RPS6KC1: variants seen among roughly 807,000 people sequenced by gnomAD.
RPS6KC1 encodes inactive ribosomal protein S6 kinase delta-1.
A neutral mutation model predicts 103.8 loss-of-function variants in RPS6KC1; 54 were observed. The ratio of observed to expected loss-of-function variants is 0.52; its 90% CI spans 0.42 to 0.65. The LOEUF (loss-of-function observed/expected upper bound fraction) is 0.65, where lower values mean the gene tolerates loss of function less well. Among genes scored for constraint, RPS6KC1 ranks in the 30% least tolerant of loss-of-function variants. RPS6KC1 has a pLI of 0.00. For synonymous variants in RPS6KC1, 439 were observed against 438.7 expected (o/e 1.00, Z -0.01); for missense variants, 1,151 against 1,253.8 (o/e 0.92, Z 1.24).
chr1:213,361,340 G>A, the RPS6KC1 span, among the ~76,000 whole-genome samples: 17 of 152,260 alleles, frequency 1.1e-4, no homozygotes, highest in African/African-American at 1.4e-4. Context: ...CTCCGTGGGC[G>A]TGGGACCCTC....
the RPS6KC1 span, among the ~76,000 whole-genome samples, chr1:213,695,454 T>G: frequency 1.3e-5 from 2 of 152,156 alleles, no homozygotes; most frequent in Non-Finnish European, 2.9e-5. Flanking sequence ...AACTGGACAC[T>G]GGGACAGTAA....
At position 213,242,142 on chromosome 1, in the gene RPS6KC1, T is replaced by G; in HGVS notation, c.2666T>G (p.Leu889Arg). The change falls in exon 11 of 15, where the codon CTT becomes CGT. Residue 889 changes from leucine to arginine, a missense_variant. Transcript: ENST00000366960. ...GAAATACATCAGATTTTTGAGGACC[T>G]TGATAAAAAATTAGCACTAGCCTCC... ...DKEIHQIFED[L>R]DKKLALASRF... is the part of the protein sequence containing the mutation. The G allele has an allele frequency of 6.2e-7, 1 of 1,613,814 alleles. No individual in the cohort carries two copies. The highest frequency in any genetic ancestry group is 8.5e-7 in the Non-Finnish European group (1 of 1,179,806).
chr1:213,069,344 C>A (rs2078658532), intron 1 of RPS6KC1, among the ~76,000 whole-genome samples: 1 of 152,130 alleles, frequency 6.6e-6, no homozygotes, highest in Non-Finnish European at 1.5e-5. Flanking sequence ...TTAGGTGGGA[C>A]CTTTTACAAT....
At chr1:213,700,053 A>C in the RPS6KC1 span, among the ~76,000 whole-genome samples, 1 of 151,556 alleles carries the variant, frequency 6.6e-6, no homozygotes, top group Non-Finnish European at 1.5e-5. Flanking sequence ...TTTTAGCTTG[A>C]TGTGACCCCA....
At chr1:213,527,710 A>T in the RPS6KC1 span, among the ~76,000 whole-genome samples, 1 of 152,104 alleles carries the variant, frequency 6.6e-6, no homozygotes, top group Non-Finnish European at 1.5e-5. Flanking sequence ...TTGTACATAC[A>T]ATTGACCCTT....
In RPS6KC1 at chr1:213,272,511, C is replaced by T. The variant is rs181418262; in HGVS notation, c.3091-13C>T. The T allele has an allele frequency of 1.8e-3, 2,812 of 1,602,324 alleles. 7 individuals carry two copies. Among genetic ancestry groups the T allele is most frequent in the South Asian group, 3.8e-3 (347 of 90,814 alleles). Reference sequence around the variant, plus strand: ...TTGGATTCCTGTTACTCACTAAGTCCGTCTTTTTTTAGCTCTTGCAGTTCA... The same window carrying T: ...TTGGATTCCTGTTACTCACTAAGTCTGTCTTTTTTTAGCTCTTGCAGTTCA... On this transcript the variant is annotated splice_polypyrimidine_tract_variant and intron_variant, in intron 14 of 14. Coordinates refer to ENST00000366960, the MANE Select transcript of RPS6KC1 (RefSeq NM_012424.6).
the RPS6KC1 span, among the ~76,000 whole-genome samples, chr1:213,401,337 A>G: frequency 6.6e-6 from 1 of 152,196 alleles, no homozygotes; most frequent in Admixed American, 6.5e-5. Context: ...CTCAAGATCA[A>G]TGACAGCCAA....
chr1:213,147,542 TC>T (rs1389055586), intron 6 of RPS6KC1, among the ~76,000 whole-genome samples: 7 of 152,222 alleles, frequency 4.6e-5, no homozygotes, highest in Non-Finnish European at 8.8e-5. Context: ...TCTATTCTGT[TC>T]CACTCATCTA....
At chr1:213,332,528 C>T in the RPS6KC1 span, among the ~76,000 whole-genome samples, 1 of 152,134 alleles carries the variant, frequency 6.6e-6, no homozygotes, top group Non-Finnish European at 1.5e-5. Flanking sequence ...CCAGCAGTGC[C>T]CAGGAATTTG....
the RPS6KC1 span, among the ~76,000 whole-genome samples, chr1:213,814,681 A>G: frequency 6.6e-6 from 1 of 152,226 alleles, no homozygotes; most frequent in East Asian, 1.9e-4. Flanking sequence ...AGGGCTTTAC[A>G]TGCATTAACT....
chr1:213,696,279 C>A, the RPS6KC1 span, among the ~76,000 whole-genome samples: 412 of 152,136 alleles, frequency 2.7e-3, 9 homozygotes, highest in Admixed American at 0.019. Flanking sequence ...GCGGGCGGAT[C>A]ACCTGAGGTC....
chr1:213,808,506 C>T, the RPS6KC1 span, among the ~76,000 whole-genome samples: 30 of 152,338 alleles, frequency 2.0e-4, no homozygotes, highest in South Asian at 2.1e-4. Flanking sequence ...CCCCCAGCCT[C>T]GCTGCCACCT....
chr1:213,757,534 G>A, the RPS6KC1 span, among the ~76,000 whole-genome samples: 1 of 152,206 alleles, frequency 6.6e-6, no homozygotes, highest in East Asian at 1.9e-4. Context: ...TTAAAAGCGA[G>A]TAGAGGTTGG....
the RPS6KC1 span, among the ~76,000 whole-genome samples, chr1:213,584,812 G>A: frequency 6.6e-6 from 1 of 152,178 alleles, no homozygotes; most frequent in Non-Finnish European, 1.5e-5. Context: ...ATGGAGCTTG[G>A]GAGGTGGGTC....
At chr1:213,721,364 G>A in the RPS6KC1 span, among the ~76,000 whole-genome samples, 777 of 152,260 alleles carry the variant, frequency 5.1e-3, 8 homozygotes, top group African/African-American at 0.018. Flanking sequence ...GAATCATGGC[G>A]GTGGTTTCCC....
chr1:213,605,276 C>T, the RPS6KC1 span, among the ~76,000 whole-genome samples: 130,989 of 152,228 alleles, frequency 0.86, 56,537 homozygotes, highest in East Asian at 0.98. Context: ...AAATAGAGTT[C>T]TAAAAATTCA....
the RPS6KC1 span, among the ~76,000 whole-genome samples, chr1:213,576,313 T>C: frequency 2.0e-5 from 3 of 151,514 alleles, 1 homozygote. Context: ...ATATTTAATG[T>C]AGAGATGATT....
chr1:213,238,683 G>A (rs2094283239), intron 10 of RPS6KC1, among the ~76,000 whole-genome samples: 1 of 152,178 alleles, frequency 6.6e-6, no homozygotes, highest in Admixed American at 6.6e-5. Context: ...AGGAATGAAT[G>A]AAGCTTTTCT....
chr1:213,556,538 G>T, the RPS6KC1 span, among the ~76,000 whole-genome samples: 1 of 152,248 alleles, frequency 6.6e-6, no homozygotes, highest in Non-Finnish European at 1.5e-5. Context: ...GAACAGAATT[G>T]GTGGATGGAA....
Sources: gnomAD v4.1 joint callset for allele counts (sites outside exome capture counted in the v4.1 genomes callset) on GRCh38, gnomAD v4.1.1 for gene constraint, MANE v1.5 for transcripts, NCBI Gene and HGNC (gene_info 2026-07-23, HGNC 2026-07-21) for gene names.